RASSF8: variants seen among roughly 807,000 people sequenced by gnomAD.
RASSF8 encodes the protein Ras association domain family member 8.
A neutral mutation model predicts 48.5 loss-of-function variants in RASSF8; 22 were observed. The observed-to-expected ratio is 0.45, with a 90% confidence interval of 0.32 to 0.65. The LOEUF (loss-of-function observed/expected upper bound fraction) is 0.65. Ranked by LOEUF, RASSF8 falls within the 30% of genes least tolerant of loss-of-function variation. RASSF8 has a pLI of 0.03. For synonymous variants in RASSF8, 127 were observed against 171.5 expected, an observed-to-expected ratio of 0.74 and a Z score of 2.03; for missense variants, 418 against 489.2, an observed-to-expected ratio of 0.85 and a Z score of 1.37.
chr12:26,070,210 A>G lies in RASSF8; in HGVS notation c.*1392A>G. 2.1e-6 allele frequency: 2 copies of G among 967,632 alleles called. No individual in the cohort carries two copies. The highest frequency in any genetic ancestry group is 2.5e-6 in the Non-Finnish European group (2 of 813,744). 59.9% of individuals were successfully genotyped at this position (967,632 alleles called of 1,614,324 possible). On this transcript the variant is annotated 3_prime_UTR_variant, in exon 6 of 6. Transcript: ENST00000689635. ...TATTATTTACATGCAACAAAATAAA[A>G]GTGGATTAATATAGTAATGCCATGG...
chr12:26,030,149 G>A (rs1849469), intron 2 of RASSF8, among the ~76,000 whole-genome samples: 150,533 of 152,328 alleles, frequency 0.99, 74,399 homozygotes, highest in East Asian at 1. Flanking sequence ...TTGTTTTCTA[G>A]TATATAATTG....
chr12:26,067,496 G>T, intron 4 of RASSF8, 73 bp from the exon 5 acceptor site: 1 of 1,431,330 alleles, frequency 7.0e-7, no homozygotes, highest in Non-Finnish European at 9.6e-7. Context: ...GTAGCAGATG[G>T]ATCCTCACAA....
At chr12:25,990,153 A>G (rs558070651) in intron 1 of RASSF8, among the ~76,000 whole-genome samples, 1 of 152,324 alleles carries the variant, frequency 6.6e-6, no homozygotes, top group East Asian at 1.9e-4. Flanking sequence ...TATAACCTGT[A>G]TAATGGGAAT....
At chr12:26,063,424 GTC>G (rs1172926422) in intron 3 of RASSF8, among the ~76,000 whole-genome samples, 2 of 151,774 alleles carry the variant, frequency 1.3e-5, no homozygotes, top group Non-Finnish European at 2.9e-5. Flanking sequence ...TTGAGACAGA[GTC>G]TTACTCTGTC....
Position 26,069,393 on chromosome 12 carries a change from T to C in RASSF8, c.*575T>C, listed in dbSNP as rs1031732558. 3 of 985,056 alleles carry C rather than the reference T, an allele frequency of 3.0e-6. No homozygotes were observed. The African/African-American group carries it at 5.2e-5, about 17-fold the overall frequency. 61.0% of individuals were successfully genotyped at this position (985,056 alleles called of 1,614,324 possible). ...TTGCATTTGTTTTGTGAAACTGTCC[T>C]AGCCATTGCTTAATTAGGTGAAATA... is the stretch of plus-strand genomic sequence containing the variant. On this transcript the variant is annotated 3_prime_UTR_variant, in exon 6 of 6. Transcript: ENST00000689635.
rs114705689 is a variant in RASSF8 at position 26,049,435 on chromosome 12, A to G, written c.-108-5801A>G. 3.7e-3 allele frequency among the ~76,000 whole-genome samples: 558 copies of G among 152,360 alleles called. 1 individual carries two copies. Among genetic ancestry groups the G allele is most frequent in the African/African-American group, 0.013 (529 of 41,578 alleles). Reference sequence around the variant, plus strand: ...ATAAAAATCTTACATTTCCACTGTGAACTTTAATTGACTGGCAAAAATTAA... The same window carrying G: ...ATAAAAATCTTACATTTCCACTGTGGACTTTAATTGACTGGCAAAAATTAA... On this transcript the variant is annotated intron_variant, in intron 2 of 5. Coordinates refer to ENST00000689635, the MANE Select transcript of RASSF8 (RefSeq NM_001394098.1).
chr12:26,058,114 A>G (rs1016280610), intron 3 of RASSF8, among the ~76,000 whole-genome samples: 2 of 152,116 alleles, frequency 1.3e-5, no homozygotes, highest in Non-Finnish European at 2.9e-5. Context: ...CTGCCCTCCT[A>G]TTTTTACTTT....
chr12:25,986,027 A>C (rs1449340445), intron 1 of RASSF8, among the ~76,000 whole-genome samples: 2 of 152,224 alleles, frequency 1.3e-5, no homozygotes, highest in Non-Finnish European at 2.9e-5. Flanking sequence ...ACAGGGCTAT[A>C]AAAGTGAAGT....
At chr12:26,025,286 G>A (rs1942882081) in intron 2 of RASSF8, among the ~76,000 whole-genome samples, 1 of 152,204 alleles carries the variant, frequency 6.6e-6, no homozygotes, top group Non-Finnish European at 1.5e-5. Flanking sequence ...GGCCAGGCGT[G>A]GTGGCTCACG....
chr12:26,022,707 A>G (rs902820827), intron 2 of RASSF8, among the ~76,000 whole-genome samples: 3 of 152,136 alleles, frequency 2.0e-5, no homozygotes, highest in African/African-American at 7.2e-5. Context: ...ATAACAAAAA[A>G]AATTTACTAA....
intron 1 of RASSF8, among the ~76,000 whole-genome samples, chr12:25,979,622 A>T (rs1941691021): frequency 6.6e-6 from 1 of 152,224 alleles, no homozygotes; most frequent in African/African-American, 2.4e-5. Flanking sequence ...TCCCCATTTT[A>T]CTTCTGCAAA....
intron 2 of RASSF8, among the ~76,000 whole-genome samples, chr12:26,004,233 G>A (rs190284404): frequency 1.3e-5 from 2 of 152,196 alleles, no homozygotes; most frequent in East Asian, 3.9e-4. Context: ...GAATAACAAG[G>A]GGCATATCAC....
intron 2 of RASSF8, among the ~76,000 whole-genome samples, chr12:26,032,052 A>G (rs1943041503): frequency 6.6e-6 from 1 of 152,212 alleles, no homozygotes; most frequent in Non-Finnish European, 1.5e-5. Flanking sequence ...ACTTAGGAGA[A>G]CTATGGTCTT....
chr12:26,037,173 A>G (rs74071621), intron 2 of RASSF8, among the ~76,000 whole-genome samples: 1,866 of 152,310 alleles, frequency 0.012, 45 homozygotes, highest in African/African-American at 0.043. Context: ...AGGGCGGGGC[A>G]GTAGGAAGAG....
chr12:26,013,629 CACT>C (rs1315088308), intron 2 of RASSF8, among the ~76,000 whole-genome samples: 3 of 75,174 alleles, frequency 4.0e-5, no homozygotes, highest in Non-Finnish European at 9.4e-5. Flanking sequence ...TTGAAAACTT[CACT>C]TTTTTTTTTT....
At chr12:26,076,922 ATC>A, downstream of RASSF8, among the ~76,000 whole-genome samples, 1 of 152,238 alleles carries the variant, frequency 6.6e-6, no homozygotes. Context: ...CCTCTCCAGC[ATC>A]TGTTGTTTCC....
At chr12:25,972,870 GC>G (rs1435635953) in intron 1 of RASSF8, among the ~76,000 whole-genome samples, 21 of 152,110 alleles carry the variant, frequency 1.4e-4, no homozygotes, top group African/African-American at 5.1e-4. Flanking sequence ...ATCTCCATAG[GC>G]CCTGTGTTCC....
At chr12:26,027,111 T>G (rs565710247) in intron 2 of RASSF8, among the ~76,000 whole-genome samples, 261 of 152,344 alleles carry the variant, frequency 1.7e-3, no homozygotes, top group African/African-American at 6.1e-3. Flanking sequence ...ATGTATGATT[T>G]TATTTATATG....
chr12:26,058,132 ACT>A (rs200208081), intron 3 of RASSF8, among the ~76,000 whole-genome samples: 2,542 of 152,296 alleles, frequency 0.017, 33 homozygotes, highest in Middle Eastern at 0.034. Flanking sequence ...TTTCTCAATA[ACT>A]CAATCCAAGA....
Sources: gnomAD v4.1 joint callset for allele counts (sites outside exome capture counted in the v4.1 genomes callset) on GRCh38, gnomAD v4.1.1 for gene constraint, MANE v1.5 for transcripts, NCBI Gene and HGNC (gene_info 2026-07-23, HGNC 2026-07-21) for gene names.